Variants in CSMD3 observed in about 807,000 individuals in gnomAD.
CSMD3 encodes CUB and Sushi multiple domains 3.
CSMD3 carries 177 observed loss-of-function variants against 435.2 expected under a neutral mutation model. The ratio of observed to expected loss-of-function variants is 0.41; its 90% CI spans 0.36 to 0.46. The LOEUF is 0.46. Ranked by LOEUF, CSMD3 falls within the 20% of genes least tolerant of loss-of-function variation. The pLI is 0.34. For synonymous variants in CSMD3, 1,656 were observed against 1,520.5 expected, an observed-to-expected ratio of 1.09 and a Z score of -2.07; for missense variants, 4,265 against 4,504.6, an observed-to-expected ratio of 0.95 and a Z score of 1.52.
At chr8:113,436,543 G>T (rs1297660605) in intron 1 of CSMD3, 134 bp downstream of exon 1, 19 of 859,252 alleles carry the variant, frequency 2.2e-5, no homozygotes, top group Non-Finnish European at 3.7e-5. Flanking sequence ...GGGAGAACGA[G>T]CTGTGAATCA....
At chr8:112,678,296 G>T (rs921017337) in intron 16 of CSMD3, among the ~76,000 whole-genome samples, 3 of 152,124 alleles carry the variant, frequency 2.0e-5, no homozygotes, top group African/African-American at 7.2e-5. Flanking sequence ...AAGTTGAGTT[G>T]AGTAAAAATT....
rs2130411728 is a variant in CSMD3 at position 112,265,472 on chromosome 8, G to A, written c.9627C>T (p.Gly3209=). 6.2e-7 allele frequency: 1 copy of A among 1,613,712 alleles called. No homozygotes were observed. Among genetic ancestry groups the A allele is most frequent in the Non-Finnish European group, 8.5e-7 (1 of 1,179,700 alleles). The change falls in exon 60 of 71, where the codon GGC becomes GGT. Residue 3209 remains glycine (G), a synonymous_variant. Coordinates refer to ENST00000297405, the MANE Select transcript of CSMD3 (RefSeq NM_198123.2). The part of the protein sequence containing the change: ...CQPGYTMELN[G]SRIRTCTING... ...TAATTGTACAAGTCCTGATTCTGGA[G>A]CCATTCAATTCCATCGTGTAGCCTG...
chr8:112,994,637 T>C (rs2085577223), intron 6 of CSMD3, among the ~76,000 whole-genome samples: 1 of 151,556 alleles, frequency 6.6e-6, no homozygotes, highest in Non-Finnish European at 1.5e-5. Flanking sequence ...AAATTGAGAT[T>C]CCAAGGGCTA....
Position 112,656,354 on chromosome 8 carries a change from GAC to G in CSMD3, c.2817-15_2817-14del, listed in dbSNP as rs1285989015. ...TTCAGTCTGAAATCTAAGATTAAAA[GAC>G]ACATGTGAAAATATATTTAGAATTA... On this transcript the variant is annotated splice_polypyrimidine_tract_variant and intron_variant, in intron 17 of 70. Coordinates refer to ENST00000297405, the MANE Select transcript of CSMD3 (RefSeq NM_198123.2). 1 of 1,591,772 alleles carries G rather than the reference GAC, an allele frequency of 6.3e-7. No homozygotes were observed. The highest frequency in any genetic ancestry group is 1.1e-5 in the South Asian group (1 of 90,218).
intron 21 of CSMD3, 135 bp from the exon 22 acceptor site, chr8:112,637,140 T>G (rs2074683803): frequency 1.4e-6 from 1 of 706,564 alleles, no homozygotes; most frequent in Admixed American, 2.2e-5. Flanking sequence ...TGAATAGCTA[T>G]CAGAACGTAC....
At chr8:112,236,394 C>T (rs1484233064) in intron 67 of CSMD3, among the ~76,000 whole-genome samples, 1 of 151,852 alleles carries the variant, frequency 6.6e-6, no homozygotes, top group African/African-American at 2.4e-5. Flanking sequence ...GTTCTGCTAG[C>T]CTCTGGGAAT....
chr8:113,410,899 G>GAGAAAGAAAGAAAGAA, intron 1 of CSMD3, among the ~76,000 whole-genome samples: 1 of 36,828 alleles, frequency 2.7e-5, no homozygotes, highest in Non-Finnish European at 4.8e-5. Flanking sequence ...GCAAAACCCT[G>GAGAAAGAAAGAAAGAA]TGAAAGAAAG....
At chr8:112,538,710 G>A (rs750429100) in intron 27 of CSMD3, among the ~76,000 whole-genome samples, 5 of 151,982 alleles carry the variant, frequency 3.3e-5, no homozygotes, top group African/African-American at 9.7e-5. Context: ...AAGAAAAATG[G>A]AAAGACATTT....
At chr8:112,835,204 C>A (rs1339772188) in intron 11 of CSMD3, among the ~76,000 whole-genome samples, 2 of 151,742 alleles carry the variant, frequency 1.3e-5, no homozygotes, top group East Asian at 3.9e-4. Flanking sequence ...TCATAAGGCT[C>A]AATACATAGG....
chr8:112,591,085 G>A (rs1831149646), intron 22 of CSMD3, among the ~76,000 whole-genome samples: 1 of 152,040 alleles, frequency 6.6e-6, no homozygotes. Flanking sequence ...TGGAGAATAA[G>A]TACTTAGTGC....
chr8:112,279,013 AAACAACAACAACAACAAC>A (rs200149218), intron 59 of CSMD3, among the ~76,000 whole-genome samples: 5,262 of 119,218 alleles, frequency 0.044, 311 homozygotes, highest in African/African-American at 0.13. Flanking sequence ...CACCCCCAAA[AAACAACAACAACAACAAC>A]AACAACAACA....
rs573350758 is a variant in CSMD3, at chr8:113,241,937, TA to T, written c.514+36654del. ...TTGGTGTGCAAGAAAACTGTTTATA[TA>T]AAAAATTACTATATATATATATACA... On this transcript the variant is annotated intron_variant, in intron 3 of 70. Coordinates refer to ENST00000297405, the MANE Select transcript of CSMD3 (RefSeq NM_198123.2). 6.0e-4 allele frequency among the ~76,000 whole-genome samples: 91 copies of T among 151,148 alleles called. 2 individuals carry two copies. In the South Asian group the frequency reaches 0.019, roughly 31 times the overall value.
chr8:112,994,749 C>T (rs1202970640), intron 6 of CSMD3, among the ~76,000 whole-genome samples: 1 of 151,386 alleles, frequency 6.6e-6, no homozygotes, highest in Non-Finnish European at 1.5e-5. Flanking sequence ...TAGTACAGAC[C>T]AGTGTAGCTC....
intron 1 of CSMD3, among the ~76,000 whole-genome samples, chr8:113,375,974 T>G (rs1360621882): frequency 6.6e-6 from 1 of 152,190 alleles, no homozygotes; most frequent in African/African-American, 2.4e-5. Flanking sequence ...TCTTTTAATG[T>G]CATACTGGAG....
At chr8:112,504,161 T>C (rs1822273774) in intron 29 of CSMD3, among the ~76,000 whole-genome samples, 184 bp from the exon 30 acceptor site, 1 of 151,168 alleles carries the variant, frequency 6.6e-6, no homozygotes, top group Non-Finnish European at 1.5e-5. Flanking sequence ...AAATATCAAA[T>C]AAGCAGGGGA....
Position 112,408,185 on chromosome 8 carries a change from A to C in CSMD3, c.5605+133T>G. 5.7e-6 allele frequency: 4 copies of C among 697,884 alleles called. 1 individual carries two copies. The highest frequency in any genetic ancestry group is 1.1e-5 in the Non-Finnish European group (4 of 379,082). 43.2% of individuals were successfully genotyped at this position (697,884 alleles called of 1,614,324 possible). The stretch of plus-strand genomic sequence containing the variant: ...TGGTCAAGGTGACAGTGATCTAGTG[A>C]TGGTGGAGGGGACAAAATAAAACTG... On this transcript the variant is annotated intron_variant, in intron 34 of 70. Transcript: ENST00000297405.
At chr8:112,863,156 C>T (rs760078321) in intron 10 of CSMD3, among the ~76,000 whole-genome samples, 11 of 151,694 alleles carry the variant, frequency 7.3e-5, no homozygotes, top group Non-Finnish European at 1.5e-4. Flanking sequence ...TTGTTGTTTT[C>T]GATTTTGCTT....
chr8:112,894,266 G>C (rs1342100754), intron 10 of CSMD3, among the ~76,000 whole-genome samples: 1 of 151,416 alleles, frequency 6.6e-6, no homozygotes, highest in East Asian at 2.0e-4. Context: ...GCATTGAAAT[G>C]GTGCATTACA....
intron 13 of CSMD3, among the ~76,000 whole-genome samples, chr8:112,694,799 T>C (rs181277669): frequency 6.6e-6 from 1 of 152,214 alleles, no homozygotes; most frequent in East Asian, 1.9e-4. Context: ...TATAAAACCT[T>C]TACTTAGTTT....
Sources: gnomAD v4.1 joint callset for allele counts (sites outside exome capture counted in the v4.1 genomes callset) on GRCh38, gnomAD v4.1.1 for gene constraint, MANE v1.5 for transcripts, NCBI Gene and HGNC (gene_info 2026-07-23, HGNC 2026-07-21) for gene names.